NXPE1: variants seen among roughly 807,000 people sequenced by gnomAD.
The protein encoded by NXPE1 is neurexophilin and PC-esterase domain family member 1, also known as NXPE family member 1.
Under a neutral mutation model 33.3 loss-of-function variants are expected in NXPE1, and 31 were observed. That is an observed-to-expected ratio of 0.93 (90% CI 0.70 to 1.26). The LOEUF (loss-of-function observed/expected upper bound fraction) is 1.26. NXPE1 is among the 50% of genes most tolerant of loss of function. The pLI is 0.00. For synonymous variants in NXPE1, 229 were observed against 231.4 expected, an observed-to-expected ratio of 0.99 and a Z score of 0.09; for missense variants, 661 against 655.6, an observed-to-expected ratio of 1.01 and a Z score of -0.09.
At chr11:114,538,121 G>A (rs1947917642) in intron 5 of NXPE1, among the ~76,000 whole-genome samples, 1 of 152,054 alleles carries the variant, frequency 6.6e-6, no homozygotes, top group African/African-American at 2.4e-5. Flanking sequence ...CAGAAATAAT[G>A]CCACATATCT....
At chr11:114,546,345 G>A (rs1435122249) in intron 5 of NXPE1, among the ~76,000 whole-genome samples, 2 of 152,136 alleles carry the variant, frequency 1.3e-5, no homozygotes, top group East Asian at 1.9e-4. Flanking sequence ...TGTAGTGATA[G>A]ATGAGAGAAA....
Position 114,530,683 on chromosome 11 carries a change from G to A in NXPE1, c.325C>T (p.Arg109Ter), listed in dbSNP as rs116475119. The change falls in exon 6 of 9, where the codon CGA becomes TGA. Residue 109 changes from arginine to a stop codon, truncating the protein, a stop_gained. Transcript: ENST00000534921. LOFTEE classifies it high-confidence loss of function. ...TGGTCTCCCCTGCAGTATGTATCTC[G>A]AGGGTTGAGGATGGTGGCTGTGCTG... 2.1e-4 allele frequency: 341 copies of A among 1,614,100 alleles called. No individual in the cohort carries two copies. The African/African-American group carries it at 3.7e-3, about 18-fold the overall frequency.
intron 5 of NXPE1, among the ~76,000 whole-genome samples, chr11:114,532,402 A>G (rs1947617468): frequency 1.3e-5 from 2 of 152,146 alleles, no homozygotes; most frequent in African/African-American, 2.4e-5. Flanking sequence ...CTTACATTAT[A>G]AAATAGATAA....
intron 1 of NXPE1, among the ~76,000 whole-genome samples, chr11:114,557,531 T>C (rs1179175035): frequency 1.3e-5 from 2 of 150,964 alleles, no homozygotes; most frequent in South Asian, 2.1e-4. Context: ...GCTCAAGTGA[T>C]CCTTCTACCT....
At chr11:114,553,804 C>T in intron 1 of NXPE1, 6 of 975,634 alleles carry the variant, frequency 6.1e-6, no homozygotes, top group Non-Finnish European at 7.3e-6. Flanking sequence ...CTTATGAAAG[C>T]CTATTCATGC....
rs546474188 is a variant in NXPE1 at position 114,535,870 on chromosome 11, CA to C, written c.100-4963del. On this transcript the variant is annotated intron_variant, in intron 5 of 8. Transcript: ENST00000534921. Reference sequence around the variant, plus strand: ...ACCCCACTGTCAACATTAGACAGATCAACGAGACAGAAAGTTAACAAGGATA... The same window carrying C: ...ACCCCACTGTCAACATTAGACAGATCACGAGACAGAAAGTTAACAAGGATA... Among the ~76,000 whole-genome samples, 740 of 152,228 alleles carry C rather than the reference CA, an allele frequency of 4.9e-3. 28 individuals are homozygous for C. The highest frequency in any genetic ancestry group is 1.3e-3 in the Non-Finnish European group (86 of 68,014).
At chr11:114,558,190 A>G (rs1948702783) in intron 1 of NXPE1, among the ~76,000 whole-genome samples, 1 of 152,070 alleles carries the variant, frequency 6.6e-6, no homozygotes, top group African/African-American at 2.4e-5. Context: ...ACACACATCT[A>G]TGTATATGTG....
At chr11:114,524,779 A>T (rs549937192) in intron 7 of NXPE1, among the ~76,000 whole-genome samples, 2 of 152,284 alleles carry the variant, frequency 1.3e-5, no homozygotes, top group African/African-American at 4.8e-5. Context: ...CCACGTCTCA[A>T]ACTTATAACA....
intron 1 of NXPE1, among the ~76,000 whole-genome samples, chr11:114,553,127 G>A (rs993535464): frequency 2.0e-5 from 3 of 152,036 alleles, no homozygotes; most frequent in Non-Finnish European, 4.4e-5. Flanking sequence ...TTGGGTTTGA[G>A]CTTTAATGCC....
chr11:114,554,851 C>A (rs1019550173), intron 1 of NXPE1, among the ~76,000 whole-genome samples: 5 of 152,166 alleles, frequency 3.3e-5, no homozygotes, highest in Non-Finnish European at 5.9e-5. Flanking sequence ...GGTTCACAGG[C>A]CTCCTAAACT....
chr11:114,530,888 T>C, exon 6 of NXPE1: 1 of 1,611,898 alleles, frequency 6.2e-7, no homozygotes. Flanking sequence ...CAGAGATGGA[T>C]AAGTTTAGAG....
chr11:114,552,855 A>G (rs555220850), exon 2 of NXPE1: 1 of 974,322 alleles, frequency 1.0e-6, no homozygotes, highest in Non-Finnish European at 1.2e-6. Context: ...TACTTACCCA[A>G]TAGGTGTCAG....
intron 5 of NXPE1, among the ~76,000 whole-genome samples, chr11:114,531,757 C>G (rs1279941080): frequency 6.8e-6 from 1 of 146,706 alleles, no homozygotes; most frequent in East Asian, 1.9e-4. Flanking sequence ...TGCTGAATAT[C>G]CCCTGAATTC....
At chr11:114,555,547 C>T (rs1237271728) in intron 1 of NXPE1, among the ~76,000 whole-genome samples, 1 of 152,252 alleles carries the variant, frequency 6.6e-6, no homozygotes, top group Admixed American at 6.5e-5. Context: ...ATTTTAAGTG[C>T]ACTGTTTTAT....
chr11:114,534,734 A>T (rs1457079140), intron 5 of NXPE1, among the ~76,000 whole-genome samples: 2 of 152,212 alleles, frequency 1.3e-5, no homozygotes. Flanking sequence ...AAGTTTGGAG[A>T]AAAAAGAATA....
intron 5 of NXPE1, among the ~76,000 whole-genome samples, chr11:114,541,447 T>C (rs913009967): frequency 6.6e-6 from 1 of 152,162 alleles, no homozygotes; most frequent in African/African-American, 2.4e-5. Flanking sequence ...GAAATGTCGA[T>C]GAAAAGAGTC....
intron 5 of NXPE1, among the ~76,000 whole-genome samples, chr11:114,531,869 A>G (rs942686636): frequency 3.9e-5 from 6 of 152,200 alleles, no homozygotes; most frequent in Non-Finnish European, 8.8e-5. Context: ...ATAAGCACTC[A>G]AATTCAGTGA....
chr11:114,521,162 C>T (rs551456099), downstream of NXPE1, among the ~76,000 whole-genome samples: 1 of 141,180 alleles, frequency 7.1e-6, no homozygotes, highest in South Asian at 2.2e-4. Flanking sequence ...TTGATTTTCT[C>T]TTTAACAGGA....
chr11:114,530,770 G>C, exon 6 of NXPE1: 1 of 1,614,196 alleles, frequency 6.2e-7, no homozygotes, highest in Non-Finnish European at 8.5e-7. Flanking sequence ...TGCTGATCTA[G>C]TTTCTCTATG....
Sources: gnomAD v4.1 joint callset for allele counts (sites outside exome capture counted in the v4.1 genomes callset) on GRCh38, gnomAD v4.1.1 for gene constraint, MANE v1.5 for transcripts, NCBI Gene and HGNC (gene_info 2026-07-23, HGNC 2026-07-21) for gene names.